Variants in SNX25 observed in about 807,000 individuals in gnomAD.
SNX25 encodes the protein sorting nexin 25.
Under a neutral mutation model 113.7 loss-of-function variants are expected in SNX25, and 62 were observed. That is an observed-to-expected ratio of 0.55 (90% CI 0.44 to 0.67). The LOEUF (loss-of-function observed/expected upper bound fraction) is 0.67. Among genes scored for constraint, SNX25 ranks in the 30% least tolerant of loss-of-function variants. The pLI is 0.00. For synonymous variants in SNX25, 421 were observed against 436.2 expected (o/e 0.97, Z 0.43); for missense variants, 1,014 against 1,161.0 (o/e 0.87, Z 1.84).
At chr4:185,212,112 C>T (rs1254665825) in intron 1 of SNX25, among the ~76,000 whole-genome samples, 1 of 151,802 alleles carries the variant, frequency 6.6e-6, no homozygotes, top group Non-Finnish European at 1.5e-5. Context: ...TATTTTTGTC[C>T]TTGAATTCCT....
intron 5 of SNX25, among the ~76,000 whole-genome samples, chr4:185,267,626 G>C (rs766502279): frequency 2.6e-5 from 4 of 152,056 alleles, no homozygotes; most frequent in Non-Finnish European, 4.4e-5. Flanking sequence ...AGCTACTCAG[G>C]AGGCTGAGGT....
chr4:185,331,539 G>C (rs935643627), intron 9 of SNX25, among the ~76,000 whole-genome samples: 13 of 152,162 alleles, frequency 8.5e-5, no homozygotes, highest in African/African-American at 2.9e-4. Flanking sequence ...CCAGCACTTT[G>C]GGAGGACGAG....
chr4:185,259,103 A>G, intron 3 of SNX25, 39 bp downstream of exon 3: 2 of 1,554,890 alleles, frequency 1.3e-6, no homozygotes, highest in Non-Finnish European at 8.8e-7. Context: ...TTTTGCATTA[A>G]TTTTTTTTAA....
intron 5 of SNX25, among the ~76,000 whole-genome samples, chr4:185,273,714 T>C (rs887016240): frequency 6.6e-6 from 1 of 152,200 alleles, no homozygotes; most frequent in South Asian, 2.1e-4. Flanking sequence ...TTCTACTCTC[T>C]GCTTTTAGGA....
chr4:185,350,244 T>C (rs1280062745), intron 13 of SNX25, among the ~76,000 whole-genome samples: 1 of 152,200 alleles, frequency 6.6e-6, no homozygotes, highest in African/African-American at 2.4e-5. Flanking sequence ...TCTAAACAAA[T>C]AGGATGTTGC....
chr4:185,272,697 C>T (rs1284316129), intron 5 of SNX25, among the ~76,000 whole-genome samples: 1 of 152,148 alleles, frequency 6.6e-6, no homozygotes, highest in South Asian at 2.1e-4. Flanking sequence ...GAAGTCTTGA[C>T]TAGACATCCT....
Position 185,267,141 on chromosome 4 carries a change from C to T in SNX25, c.1077C>T (p.Phe359=). 1 of 1,612,148 alleles carries T rather than the reference C, an allele frequency of 6.2e-7. No homozygotes were observed. The highest frequency in any genetic ancestry group is 8.5e-7 in the Non-Finnish European group (1 of 1,179,162). Residue 359 remains phenylalanine, a synonymous_variant, in exon 5 of 19, where the codon TTC becomes TTT. Transcript: ENST00000652585. ...KLINSNSDVE[F]LKQLRYQIVV... ...TTAACAGCAACTCTGATGTGGAGTT[C>T]TTGAAGCAACTAAGGTATTTGGTCT...
chr4:185,250,815 T>A (rs751994995), intron 2 of SNX25, among the ~76,000 whole-genome samples: 20 of 152,060 alleles, frequency 1.3e-4, no homozygotes, highest in Non-Finnish European at 2.4e-4. Flanking sequence ...TTTTTAAATT[T>A]TTTTTTCCAG....
chr4:185,294,985 T>A (rs1752656818), intron 6 of SNX25, among the ~76,000 whole-genome samples: 1 of 152,168 alleles, frequency 6.6e-6, no homozygotes, highest in Non-Finnish European at 1.5e-5. Flanking sequence ...AAAGGCTAAT[T>A]TATAGAATGG....
At chr4:185,262,758 G>A (rs1747501285) in intron 3 of SNX25, among the ~76,000 whole-genome samples, 1 of 152,138 alleles carries the variant, frequency 6.6e-6, no homozygotes. Context: ...GCTCACTCAA[G>A]GAATGAGAAC....
chr4:185,310,927 A>G (rs3806822), intron 7 of SNX25, 111 bp downstream of exon 7: 405,924 of 1,016,084 alleles, frequency 0.4, 82,163 homozygotes, highest in East Asian at 0.53. Context: ...CATGTGTGCC[A>G]TAACTACACA....
chr4:185,328,957 G>A (rs755876279), intron 9 of SNX25, among the ~76,000 whole-genome samples: 2 of 152,102 alleles, frequency 1.3e-5, no homozygotes, highest in Non-Finnish European at 2.9e-5. Context: ...TACGGAGGGG[G>A]TTCATCTGCA....
chr4:185,374,494 T>G, downstream of SNX25: 1 of 1,601,024 alleles, frequency 6.2e-7, no homozygotes, highest in East Asian at 2.2e-5. Context: ...AAAACCCTAG[T>G]TTTTAGTTTT....
chr4:185,346,603 C>G lies in SNX25; in HGVS notation c.2254C>G (p.Gln752Glu). ...CAAGCTGCCTTTCAAATCTATAGAT[C>G]AAAAGTTTATGGAAAAGTCGAAGAA... The part of the protein sequence containing the change: ...LSKLPFKSID[Q>E]KFMEKSKNQL... Residue 752 changes from glutamine (Q) to glutamate (E), a missense_variant, in exon 13 of 19, where the codon CAA (glutamine) becomes GAA (glutamate). By Grantham distance (29) the Gln-to-Glu change is conservative. Coordinates refer to ENST00000652585, the MANE Select transcript of SNX25 (RefSeq NM_001378034.2). 4.4e-6 allele frequency: 7 copies of G among 1,586,668 alleles called. No individual in the cohort carries two copies. Among genetic ancestry groups the G allele is most frequent in the Non-Finnish European group, 6.0e-6 (7 of 1,172,352 alleles).
At chr4:185,266,623 A>G (rs539773980) in intron 4 of SNX25, among the ~76,000 whole-genome samples, 1 of 152,248 alleles carries the variant, frequency 6.6e-6, no homozygotes, top group South Asian at 2.1e-4. Flanking sequence ...CAGCCTCCCA[A>G]AGTGCTGGGA....
At chr4:185,251,598 C>CAT (rs1370836468) in intron 2 of SNX25, among the ~76,000 whole-genome samples, 2 of 147,166 alleles carry the variant, frequency 1.4e-5, no homozygotes, top group Admixed American at 6.7e-5. Context: ...TATTCCATTG[C>CAT]GTGTGTGTGT....
intron 9 of SNX25, among the ~76,000 whole-genome samples, chr4:185,324,854 C>T (rs912268463): frequency 6.6e-5 from 10 of 152,028 alleles, no homozygotes; most frequent in Non-Finnish European, 1.2e-4. Flanking sequence ...GATGAGGGGA[C>T]GGAGAGTTTT....
At chr4:185,214,996 T>C (rs910351643) in intron 1 of SNX25, among the ~76,000 whole-genome samples, 24 of 152,250 alleles carry the variant, frequency 1.6e-4, no homozygotes, top group African/African-American at 5.1e-4. Flanking sequence ...TTTGGGAGGC[T>C]GAGGCGGGTG....
chr4:185,212,875 C>T (rs1190404849), intron 1 of SNX25, among the ~76,000 whole-genome samples: 2 of 152,144 alleles, frequency 1.3e-5, no homozygotes, highest in African/African-American at 4.8e-5. Flanking sequence ...CCTCATTTAT[C>T]CTTATATATT....
Sources: allele counts gnomAD v4.1 joint callset (sites outside exome capture counted in the v4.1 genomes callset), GRCh38; gene constraint gnomAD v4.1.1; transcripts MANE v1.5; gene names NCBI Gene and HGNC (gene_info 2026-07-23, HGNC 2026-07-21).